PDE1A: variants seen among roughly 807,000 people sequenced by gnomAD.
PDE1A encodes phosphodiesterase 1A, also known as dual specificity calcium/calmodulin-dependent 3',5'-cyclic nucleotide phosphodiesterase 1A.
Under a neutral mutation model 61.7 loss-of-function variants are expected in PDE1A, and 35 were observed. The observed-to-expected ratio is 0.57, with a 90% CI of 0.43 to 0.75. The LOEUF is 0.75. Ranked by LOEUF, PDE1A falls within the 30% of genes least tolerant of loss-of-function variation. The pLI, the probability that PDE1A is intolerant of heterozygous loss-of-function variation, is 0.00. For synonymous variants in PDE1A, 232 were observed against 213.2 expected (o/e 1.09, Z -0.77); for missense variants, 597 against 630.6 (o/e 0.95, Z 0.57).
intron 2 of PDE1A, among the ~76,000 whole-genome samples, chr2:182,485,531 G>T (rs764113430): frequency 5.9e-5 from 9 of 151,668 alleles, no homozygotes; most frequent in Non-Finnish European, 2.9e-5. Context: ...TTTTTAAAAA[G>T]CTATAGTATC....
At chr2:182,329,297 T>A (rs1272160559) in intron 1 of PDE1A, among the ~76,000 whole-genome samples, 1 of 152,204 alleles carries the variant, frequency 6.6e-6, no homozygotes, top group Non-Finnish European at 1.5e-5. Context: ...ATTGTTGCAC[T>A]CACTGTTCTT....
At chr2:182,292,920 G>A (rs184827265) in intron 1 of PDE1A, among the ~76,000 whole-genome samples, 5 of 152,078 alleles carry the variant, frequency 3.3e-5, no homozygotes, top group African/African-American at 1.2e-4. Flanking sequence ...AATATTGTCA[G>A]TGTATCATTG....
intron 1 of PDE1A, among the ~76,000 whole-genome samples, chr2:182,392,485 G>C (rs1701478298): frequency 6.6e-6 from 1 of 152,152 alleles, no homozygotes; most frequent in Non-Finnish European, 1.5e-5. Flanking sequence ...TTCTGCCCCT[G>C]ACTCCTCCCA....
intron 2 of PDE1A, among the ~76,000 whole-genome samples, chr2:182,445,802 T>C (rs1052920767): frequency 1.5e-4 from 23 of 152,244 alleles, no homozygotes; most frequent in African/African-American, 5.3e-4. Context: ...TAAAGATTAG[T>C]GTGTTGGCAT....
At chr2:182,191,855 T>A (rs1302474401) in intron 10 of PDE1A, among the ~76,000 whole-genome samples, 3 of 151,088 alleles carry the variant, frequency 2.0e-5, no homozygotes, top group Admixed American at 6.6e-5. Flanking sequence ...TCTTTTTTTT[T>A]TTATTTTTTT....
upstream of PDE1A, among the ~76,000 whole-genome samples, chr2:182,527,329 TATATA>T (rs1559543445): frequency 5.4e-4 from 4 of 7,448 alleles, no homozygotes; most frequent in Admixed American, 2.7e-3. Context: ...AAAAAAAAAA[TATATA>T]TATATATATA....
At chr2:182,380,605 C>T (rs1251401898) in intron 1 of PDE1A, among the ~76,000 whole-genome samples, 1 of 152,108 alleles carries the variant, frequency 6.6e-6, no homozygotes, top group Non-Finnish European at 1.5e-5. Flanking sequence ...AGTCATTTTG[C>T]AAAAATTTGA....
At chr2:182,147,708 T>C (rs567577907) in intron 13 of PDE1A, among the ~76,000 whole-genome samples, 2 of 152,142 alleles carry the variant, frequency 1.3e-5, no homozygotes, top group African/African-American at 2.4e-5. Flanking sequence ...AGAGAATCTA[T>C]GAAAATAGAA....
At chr2:182,467,703 C>T (rs1686764268) in intron 2 of PDE1A, among the ~76,000 whole-genome samples, 3 of 151,724 alleles carry the variant, frequency 2.0e-5, no homozygotes. Flanking sequence ...ATATCATTAC[C>T]AAAGAGATGT....
chr2:182,484,880 G>T (rs1383380974), intron 2 of PDE1A, among the ~76,000 whole-genome samples: 1 of 151,994 alleles, frequency 6.6e-6, no homozygotes, highest in African/African-American at 2.4e-5. Context: ...TGCTGGCGAG[G>T]TTGTGGAGAA....
intron 1 of PDE1A, among the ~76,000 whole-genome samples, chr2:182,272,312 C>T (rs1415877873): frequency 1.3e-5 from 2 of 152,058 alleles, no homozygotes; most frequent in Non-Finnish European, 1.5e-5. Flanking sequence ...CCTGCACTTT[C>T]CTTAGTGCTC....
intron 6 of PDE1A, among the ~76,000 whole-genome samples, chr2:182,227,612 G>A (rs1161216815): frequency 1.3e-5 from 2 of 152,016 alleles, no homozygotes; most frequent in East Asian, 3.8e-4. Flanking sequence ...TAGGTGCCTT[G>A]CAAATGTTTT....
chr2:182,395,691 A>G lies in PDE1A; in HGVS notation c.53+30887T>C, dbSNP rs566017307. Among the ~76,000 whole-genome samples the G allele has an allele frequency of 2.0e-3, 307 of 152,190 alleles. 1 individual carries two copies. Among genetic ancestry groups the G allele is most frequent in the Non-Finnish European group, 3.8e-3 (259 of 68,018 alleles). On this transcript the variant is annotated intron_variant, in intron 1 of 13. Coordinates refer to ENST00000351439, the Ensembl canonical transcript of PDE1A. Reference sequence around the variant, plus strand: ...CAAGCTGCTCTGCCACTTGGGCCATATGATCCAGCAGATCCAATGGTGCTT... The same window carrying G: ...CAAGCTGCTCTGCCACTTGGGCCATGTGATCCAGCAGATCCAATGGTGCTT...
the PDE1A span, among the ~76,000 whole-genome samples, chr2:182,549,872 G>A: frequency 6.6e-6 from 1 of 152,058 alleles, no homozygotes; most frequent in Non-Finnish European, 1.5e-5. Flanking sequence ...GTAACATTTG[G>A]TTAAGGTAAA....
At chr2:182,626,776 TATATACATATATATACATATATATAC>T in the PDE1A span, among the ~76,000 whole-genome samples, 1 of 3,928 alleles carries the variant, frequency 2.5e-4, no homozygotes, top group East Asian at 8.1e-3. Context: ...TATATACATA[TATATACATATATATACATATATATAC>T]ATATATATAT....
intron 3 of PDE1A, among the ~76,000 whole-genome samples, chr2:182,237,858 C>A (rs1690156702): frequency 6.6e-6 from 1 of 152,122 alleles, no homozygotes; most frequent in African/African-American, 2.4e-5. Context: ...TGAAATCAGG[C>A]TGGTATAGGT....
the PDE1A span, among the ~76,000 whole-genome samples, chr2:182,686,148 G>C: frequency 6.6e-6 from 1 of 151,928 alleles, no homozygotes; most frequent in African/African-American, 2.4e-5. Context: ...CTGCAAAGTA[G>C]GAAGAGAACT....
the PDE1A span, among the ~76,000 whole-genome samples, chr2:182,531,840 T>A: frequency 3.9e-5 from 6 of 152,142 alleles, no homozygotes; most frequent in Admixed American, 3.9e-4. Flanking sequence ...CCTAATACTA[T>A]CCCTCCCCCA....
At chr2:182,455,221 C>T (rs906401195) in intron 2 of PDE1A, among the ~76,000 whole-genome samples, 5 of 152,246 alleles carry the variant, frequency 3.3e-5, no homozygotes, top group South Asian at 2.1e-4. Flanking sequence ...CATCTCACAC[C>T]AGTTAGAATG....
Sources: gnomAD v4.1 joint callset for allele counts (sites outside exome capture counted in the v4.1 genomes callset) on GRCh38, gnomAD v4.1.1 for gene constraint, MANE v1.5 for transcripts, NCBI Gene and HGNC (gene_info 2026-07-23, HGNC 2026-07-21) for gene names.